NCKAP1L: variants seen among roughly 807,000 people sequenced by gnomAD.
NCKAP1L encodes NCK associated protein 1 like, also known as nck-associated protein 1-like.
A neutral mutation model predicts 139.2 loss-of-function variants in NCKAP1L; 53 were observed. The ratio of observed to expected loss-of-function variants is 0.38; its 90% CI spans 0.31 to 0.48. The LOEUF (loss-of-function observed/expected upper bound fraction) is 0.48, where lower values mean the gene tolerates loss of function less well. Ranked by LOEUF, NCKAP1L falls within the 20% of genes least tolerant of loss-of-function variation. The pLI is 0.98. For synonymous variants in NCKAP1L, 468 were observed against 499.7 expected, an observed-to-expected ratio of 0.94 and a Z score of 0.85; for missense variants, 1,151 against 1,381.9, an observed-to-expected ratio of 0.83 and a Z score of 2.65.
Position 54,512,116 on chromosome 12 carries a change from C to G in NCKAP1L, c.941+11C>G, listed in dbSNP as rs376475018. 2 of 1,613,138 alleles carry G rather than the reference C, an allele frequency of 1.2e-6. No individual in the cohort carries two copies. Among genetic ancestry groups the G allele is most frequent in the South Asian group, 1.1e-5 (1 of 90,966 alleles). ...TAGCAGTTTGAAAGGGTGAGAGACACGAGAGCCAAACTGATCTTCCTTGAA... is the reference window on the plus strand; with the variant it reads ...TAGCAGTTTGAAAGGGTGAGAGACAGGAGAGCCAAACTGATCTTCCTTGAA... On this transcript the variant is annotated intron_variant, in intron 9 of 30. Coordinates refer to ENST00000293373, the MANE Select transcript of NCKAP1L (RefSeq NM_005337.5).
At position 54,526,807 on chromosome 12, in the gene NCKAP1L, G is replaced by A. The variant is rs12367426; in HGVS notation, c.2375+61G>A. 0.29 allele frequency: 411,098 copies of A among 1,440,342 alleles called. 63,399 individuals are homozygous for A. The highest frequency in any genetic ancestry group is 0.46 in the African/African-American group (32,822 of 70,934). 89.2% of individuals were successfully genotyped at this position (1,440,342 alleles called of 1,614,324 possible). A position where few individuals can be genotyped will look rare whatever the true frequency, so the allele number is the denominator to read the frequency against. On this transcript the variant is annotated intron_variant, in intron 21 of 30. Coordinates refer to ENST00000293373, the MANE Select transcript of NCKAP1L (RefSeq NM_005337.5). ...TGTGTTGGCACTTTTTCCTTTACAC[G>A]GTAGGACCTCAGGGCCCGAGCATTT...
At chr12:54,503,795 C>T (rs11170954) in intron 3 of NCKAP1L, among the ~76,000 whole-genome samples, 16,356 of 151,696 alleles carry the variant, frequency 0.11, 1,252 homozygotes, top group African/African-American at 0.21. Context: ...CGTGCCACCA[C>T]GCCTCGTTAA....
chr12:54,531,330 T>C lies in NCKAP1L; in HGVS notation c.2577T>C (p.His859=). The C allele has an allele frequency of 1.9e-6, 3 of 1,614,124 alleles. No individual in the cohort carries two copies. The highest frequency in any genetic ancestry group is 2.2e-5 in the South Asian group (2 of 91,086). The change falls in exon 23 of 31, where the codon CAT becomes CAC. Residue 859 remains histidine, a synonymous_variant. Transcript: ENST00000293373. ...TCCTGAGTGAAAACCTGATGTGGCA[T>C]GTGACCTCTCAGATTGTGGAGCTGA... ...MKFLSENLMW[H]VTSQIVELKK...
At chr12:54,532,708 G>T (rs987395568) in intron 26 of NCKAP1L, among the ~76,000 whole-genome samples, 1 of 151,900 alleles carries the variant, frequency 6.6e-6, no homozygotes, top group African/African-American at 2.4e-5. Flanking sequence ...TAAGCTTTCT[G>T]GTTCCTCTAT....
intron 3 of NCKAP1L, among the ~76,000 whole-genome samples, chr12:54,505,432 G>T (rs1348344403): frequency 3.2e-5 from 4 of 125,964 alleles, no homozygotes; most frequent in Non-Finnish European, 6.4e-5. Context: ...TCACCCCAAG[G>T]GTTCCTTGTG....
In NCKAP1L at chr12:54,548,175, T is replaced by G. The variant is rs913856967; in HGVS notation, c.*5490T>G. On this transcript the variant is annotated 3_prime_UTR_variant, in exon 31 of 31. Coordinates refer to ENST00000293373, the MANE Select transcript of NCKAP1L (RefSeq NM_005337.5). ...CAGTATTTAGAACAGAGTAAATACCTTCTCCTGATCACTCCTCCTTCCAAC... is the reference window on the plus strand; with the variant it reads ...CAGTATTTAGAACAGAGTAAATACCGTCTCCTGATCACTCCTCCTTCCAAC... 5 of 152,242 alleles carry G rather than the reference T, an allele frequency of 3.3e-5. No individual in the cohort carries two copies. The highest frequency in any genetic ancestry group is 1.2e-4 in the African/African-American group (5 of 41,470). The allele number at this position is 152,242 out of a possible 1,614,324, so 9.4% of individuals were successfully genotyped here. A position where few individuals can be genotyped will look rare whatever the true frequency, so the allele number is the denominator to read the frequency against.
chr12:54,500,642 C>A lies in NCKAP1L; in HGVS notation c.306+17C>A. The A allele has an allele frequency of 6.6e-7, 1 of 1,516,014 alleles. No homozygotes were observed. The highest frequency in any genetic ancestry group is 9.2e-7 in the Non-Finnish European group (1 of 1,091,176). The allele number at this position is 1,516,014 out of a possible 1,614,324, so 93.9% of individuals were successfully genotyped here. A position where few individuals can be genotyped will look rare whatever the true frequency, so the allele number is the denominator to read the frequency against. On this transcript the variant is annotated intron_variant, in intron 3 of 30. Coordinates refer to ENST00000293373, the MANE Select transcript of NCKAP1L (RefSeq NM_005337.5). ...GAATTTCGGGTGAGCTCTCTTGAGC[C>A]GTTTCCAATGTAGGCAAGGTCTTTC...
intron 29 of NCKAP1L, 54 bp from the exon 30 acceptor site, chr12:54,538,830 G>A: frequency 7.5e-7 from 1 of 1,330,080 alleles, no homozygotes; most frequent in South Asian, 1.2e-5. Context: ...GCAGCCTGAG[G>A]CCATTTGATA....
intron 27 of NCKAP1L, 107 bp from the exon 28 acceptor site, chr12:54,536,022 C>T (rs555954223): frequency 2.6e-6 from 2 of 782,750 alleles, no homozygotes; most frequent in Admixed American, 3.8e-5. Context: ...TGGATATTTT[C>T]TCCTGCGATC....
At chr12:54,516,453 T>C (rs1025653561) in intron 10 of NCKAP1L, among the ~76,000 whole-genome samples, 158 bp downstream of exon 10, 4 of 151,100 alleles carry the variant, frequency 2.6e-5, no homozygotes, top group African/African-American at 9.7e-5. Flanking sequence ...TTCTTTTCTT[T>C]TTTTTTTTTT....
At chr12:54,511,146 A>G (rs1338742186) in intron 7 of NCKAP1L, among the ~76,000 whole-genome samples, 2 of 152,206 alleles carry the variant, frequency 1.3e-5, no homozygotes, top group South Asian at 2.1e-4. Flanking sequence ...AGGATTAACC[A>G]TCACAGGGAG....
At chr12:54,524,787 G>A (rs1957014314) in intron 20 of NCKAP1L, among the ~76,000 whole-genome samples, 1 of 152,092 alleles carries the variant, frequency 6.6e-6, no homozygotes, top group Admixed American at 6.6e-5. Context: ...TAAGGACCAA[G>A]CAGAAAAATA....
Position 54,517,855 on chromosome 12 carries a change from C to G in NCKAP1L, c.1255C>G (p.Arg419Gly). ...GTTGGAGGGGATTAGGTCTCTGGTC[C>G]GAAGACACATCAAAGTGATACAGCA... ...FLLEGIRSLV[R>G]RHIKVIQQYH... The change falls in exon 13 of 31, where the codon CGA (arginine) becomes GGA (glycine). Residue 419 changes from arginine (R) to glycine (G), a missense_variant. By Grantham distance (125) the Arg-to-Gly change is moderately radical. Coordinates refer to ENST00000293373, the MANE Select transcript of NCKAP1L (RefSeq NM_005337.5). 1 of 1,614,038 alleles carries G rather than the reference C, an allele frequency of 6.2e-7. No individual in the cohort carries two copies. The highest frequency in any genetic ancestry group is 1.1e-5 in the South Asian group (1 of 91,076).
At chr12:54,539,698 A>G (rs891428865) in intron 30 of NCKAP1L, among the ~76,000 whole-genome samples, 1 of 152,176 alleles carries the variant, frequency 6.6e-6, no homozygotes, top group Non-Finnish European at 1.5e-5. Flanking sequence ...CCCAGTGTTT[A>G]AAAGGCCCTC....
rs565306447 is a variant in NCKAP1L, at chr12:54,523,112, G to T, written c.1879-282G>T. 5.3e-4 allele frequency among the ~76,000 whole-genome samples: 81 copies of T among 152,272 alleles called. No individual in the cohort carries two copies. In the South Asian group the frequency reaches 0.013, roughly 25 times the overall value. ...TACTTGAGTTTTTCCATTAAGAAAG[G>T]TTCTCTCAGGATGTGGGTGTGGGAG... On this transcript the variant is annotated intron_variant, in intron 18 of 30. Transcript: ENST00000293373.
intron 9 of NCKAP1L, 86 bp from the exon 10 acceptor site, chr12:54,516,153 G>A: frequency 7.1e-7 from 1 of 1,405,970 alleles, no homozygotes; most frequent in South Asian, 1.2e-5. Context: ...CAGGGTATAG[G>A]CTGGACTCTC....
intron 3 of NCKAP1L, 178 bp downstream of exon 3, chr12:54,500,803 A>T: frequency 1.8e-6 from 1 of 543,532 alleles, no homozygotes; most frequent in Non-Finnish European, 3.3e-6. Flanking sequence ...AGTATATGAT[A>T]CATCACATTT....
Position 54,547,370 on chromosome 12 carries a change from G to C in NCKAP1L, c.*4685G>C, listed in dbSNP as rs890062956. On this transcript the variant is annotated 3_prime_UTR_variant, in exon 31 of 31. Coordinates refer to ENST00000293373, the MANE Select transcript of NCKAP1L (RefSeq NM_005337.5). ...CCTATAATTTTTCTGGGTTAGTTTA[G>C]TTCTCATTTATTTTTATTTTTACTT... The C allele has an allele frequency of 2.6e-5, 4 of 152,116 alleles. No individual in the cohort carries two copies. The highest frequency in any genetic ancestry group is 5.9e-5 in the Non-Finnish European group (4 of 68,012). The allele number at this position is 152,116 out of a possible 1,614,324, so 9.4% of individuals were successfully genotyped here.
At chr12:54,499,752 T>C (rs1043830443) in intron 2 of NCKAP1L, among the ~76,000 whole-genome samples, 2 of 151,732 alleles carry the variant, frequency 1.3e-5, no homozygotes, top group Admixed American at 1.3e-4. Context: ...GACAGCTCTA[T>C]CAACCCAGCA....
Sources: gnomAD v4.1 joint callset for allele counts (sites outside exome capture counted in the v4.1 genomes callset) on GRCh38, gnomAD v4.1.1 for gene constraint, MANE v1.5 for transcripts, NCBI Gene and HGNC (gene_info 2026-07-23, HGNC 2026-07-21) for gene names.